The following AMPD1 variants were observed in gnomAD, a reference collection of about 807,000 sequenced individuals.
The protein encoded by AMPD1 is adenosine monophosphate deaminase 1.
In AMPD1, 74 loss-of-function variants were observed where a neutral mutation model predicts 82.9. That is an observed-to-expected ratio of 0.89 (90% confidence interval 0.74 to 1.08). The LOEUF (loss-of-function observed/expected upper bound fraction) is 1.08. Ranked by LOEUF, AMPD1 falls within the 50% of genes least tolerant of loss-of-function variation. The pLI is 0.00. For synonymous variants in AMPD1, 333 were observed against 320.5 expected (o/e 1.04, Z -0.42); for missense variants, 881 against 924.5 (o/e 0.95, Z 0.61).
chr1:114,688,724 G>A lies in AMPD1; in HGVS notation c.52C>T (p.Arg18Cys), dbSNP rs369335745. Residue 18 changes from arginine (R) to cysteine (C), a missense_variant, in exon 3 of 16, where the codon CGC becomes TGC. Physicochemically the swap from Arg to Cys is radical, Grantham distance 180. This residue lies in a region of AMPD1 where 783 missense variants were observed against 786.4 expected (regional missense o/e 1.00). Transcript: ENST00000520113. Reference sequence around the variant, plus strand: ...GCAAACACTTTTTCAGCAAAGTTGCGCATTGCATCATCAATTTCTAAAAGA... The same window carrying A: ...GCAAACACTTTTTCAGCAAAGTTGCACATTGCATCATCAATTTCTAAAAGA... ...AEEKQIDDAM[R>C]NFAEKVFASE... is the part of the protein sequence containing the mutation. 2.7e-5 allele frequency: 44 copies of A among 1,614,170 alleles called. No homozygotes were observed. Among genetic ancestry groups the A allele is most frequent in the Admixed American group, 6.7e-5 (4 of 60,016 alleles).
chr1:114,674,071 T>A lies in AMPD1; in HGVS notation c.1812A>T (p.Leu604=), dbSNP rs1570835952. Reference sequence around the variant, plus strand: ...TTTGGGCTAAGAAAAACAAGTACTGTAGCACGGGACTCTGAAAAAGAAAAG... The same window carrying A: ...TTTGGGCTAAGAAAAACAAGTACTGAAGCACGGGACTCTGAAAAAGAAAAG... ...HGLNLKKSPV[L]QYLFFLAQIP... The change falls in exon 14 of 16, where the codon CTA becomes CTT. Residue 604 remains leucine, a synonymous_variant. Transcript: ENST00000520113. 1 of 1,613,720 alleles carries A rather than the reference T, an allele frequency of 6.2e-7. No individual in the cohort carries two copies. Among genetic ancestry groups the A allele is most frequent in the East Asian group, 2.2e-5 (1 of 44,854 alleles).
In AMPD1 at chr1:114,682,958, G is replaced by GA. The variant is rs1462859454; in HGVS notation, c.547+1240dup. On this transcript the variant is annotated intron_variant, in intron 5 of 15. Coordinates refer to ENST00000520113, the MANE Select transcript of AMPD1 (RefSeq NM_000036.3). The stretch of plus-strand genomic sequence containing the variant: ...TAAAATTGTAAGACAATTACAGGAA[G>GA]ATGTGTATATAAAGATGCTTATTGT... Among the ~76,000 whole-genome samples the GA allele has an allele frequency of 4.6e-5, 7 of 152,324 alleles. No individual in the cohort carries two copies. In the East Asian group the frequency reaches 1.3e-3, roughly 29 times the overall value.
intron 9 of AMPD1, 134 bp downstream of exon 9, chr1:114,677,772 CCCTT>C (rs1171158884): frequency 1.2e-5 from 7 of 563,294 alleles, no homozygotes; most frequent in South Asian, 3.2e-5. Context: ...CTCCCTCCCT[CCCTT>C]CCTTCCTTCT....
intron 4 of AMPD1, among the ~76,000 whole-genome samples, chr1:114,685,139 T>C (rs1287173600): frequency 1.3e-5 from 2 of 152,176 alleles, no homozygotes; most frequent in Non-Finnish European, 2.9e-5. Context: ...GGTCCAGATA[T>C]TGATCCTGAA....
chr1:114,692,037 G>A (rs1329120905), intron 2 of AMPD1, among the ~76,000 whole-genome samples: 1 of 152,160 alleles, frequency 6.6e-6, no homozygotes, highest in Non-Finnish European at 1.5e-5. Flanking sequence ...CATCATAAAG[G>A]GGAATGTTAA....
rs148647876 is a variant in AMPD1 at position 114,678,224 on chromosome 1, G to A, written c.1092+109C>T. The stretch of plus-strand genomic sequence containing the variant: ...ATTGTCTGTGGTGCTTTCAGGCAGC[G>A]TGGTAAGCCAAGATGGTTAAGAGAC... On this transcript the variant is annotated intron_variant, in intron 8 of 15. Transcript: ENST00000520113. 2.0e-4 allele frequency: 301 copies of A among 1,478,438 alleles called. 1 individual carries two copies. The Middle Eastern group carries it at 2.5e-3, about 12-fold the overall frequency. The allele number at this position is 1,478,438 out of a possible 1,614,324, so 91.6% of individuals were successfully genotyped here. A position where few individuals can be genotyped will look rare whatever the true frequency, so the allele number is the denominator to read the frequency against.
In AMPD1 at chr1:114,686,787, A is replaced by T; in HGVS notation, c.339T>A (p.Pro113=). The change falls in exon 4 of 16, where the codon CCT becomes CCA. Residue 113 remains proline, a synonymous_variant. Transcript: ENST00000520113. ...ISSSPTYQTV[P]DFQRVQITGD... ...CAGTAATCTGCACTCTCTGAAAATC[A>T]GGCACGGTCTGGTAGGTTGGAGATG... 6.2e-6 allele frequency: 10 copies of T among 1,614,154 alleles called. No homozygotes were observed. The highest frequency in any genetic ancestry group is 8.5e-6 in the Non-Finnish European group (10 of 1,180,006).
chr1:114,687,041 G>C, intron 3 of AMPD1, 131 bp from the exon 4 acceptor site: 1 of 958,766 alleles, frequency 1.0e-6, no homozygotes, highest in East Asian at 2.6e-5. Context: ...TTGGGTATCA[G>C]AAACAGGATC....
chr1:114,693,656 CTT>C, intron 1 of AMPD1, among the ~76,000 whole-genome samples: 1 of 152,166 alleles, frequency 6.6e-6, no homozygotes, highest in Middle Eastern at 3.4e-3. Flanking sequence ...TAATATGTCT[CTT>C]AACATTTATA....
intron 5 of AMPD1, among the ~76,000 whole-genome samples, chr1:114,682,323 C>A (rs985455371): frequency 1.3e-5 from 2 of 152,090 alleles, no homozygotes; most frequent in African/African-American, 4.8e-5. Flanking sequence ...TTACTACTAT[C>A]AAATATTAAT....
intron 9 of AMPD1, 56 bp downstream of exon 9, chr1:114,677,850 CTTCT>C: frequency 7.2e-7 from 1 of 1,381,508 alleles, no homozygotes; most frequent in Non-Finnish European, 9.7e-7. Context: ...TCCTTCCTTC[CTTCT>C]TCCCTTTCCT....
intron 2 of AMPD1, among the ~76,000 whole-genome samples, chr1:114,690,975 C>A (rs1017811277): frequency 6.6e-6 from 1 of 152,202 alleles, no homozygotes; most frequent in South Asian, 2.1e-4. Context: ...CCAAATCCTA[C>A]TTGCTTGGTA....
At position 114,674,829 on chromosome 1, in the gene AMPD1, C is replaced by T; in HGVS notation, c.1723G>A (p.Glu575Lys). The T allele has an allele frequency of 1.2e-6, 2 of 1,614,002 alleles. No individual in the cohort carries two copies. Among genetic ancestry groups the T allele is most frequent in the Non-Finnish European group, 1.7e-6 (2 of 1,179,894 alleles). Residue 575 changes from glutamate (E) to lysine (K), a missense_variant, in exon 13 of 16, where the codon GAA becomes AAA. Glu to Lys is a moderately conservative substitution (Grantham distance 56). Coordinates refer to ENST00000520113, the MANE Select transcript of AMPD1 (RefSeq NM_000036.3). Reference protein sequence around the residue: ...NTFLFRPHCGEAGALTHLMTA... With the variant: ...NTFLFRPHCGKAGALTHLMTA... ...ATGAGATGGGTGAGGGCTCCAGCTT[C>T]TCCACAGTGAGGTCGGAACAGAAAC...
rs1423417995 is a variant in AMPD1 at position 114,680,464 on chromosome 1, CAGG to C, written c.559_561del (p.Pro187del). 6.2e-7 allele frequency: 1 copy of C among 1,614,024 alleles called. No individual in the cohort carries two copies. Among genetic ancestry groups the C allele is most frequent in the Non-Finnish European group, 8.5e-7 (1 of 1,179,980 alleles). On this transcript the variant is annotated inframe_deletion, in exon 6 of 16. Coordinates refer to ENST00000520113, the MANE Select transcript of AMPD1 (RefSeq NM_000036.3). ...CGGAAGGGGTCCTCTCCCTTCTTCA[CAGG>C]AGGAGTAAAGACTTTTTCAATCAAA...
intron 6 of AMPD1, 42 bp downstream of exon 6, chr1:114,680,217 G>T: frequency 6.6e-7 from 1 of 1,519,816 alleles, no homozygotes; most frequent in Non-Finnish European, 9.1e-7. Flanking sequence ...TTTAGGTCTT[G>T]TAGTACTAGT....
At chr1:114,675,311 A>G (rs1274373512) in intron 12 of AMPD1, among the ~76,000 whole-genome samples, 3 of 152,196 alleles carry the variant, frequency 2.0e-5, no homozygotes, top group Non-Finnish European at 2.9e-5. Context: ...AACTTCCCAA[A>G]AAAAAAGGAA....
Position 114,684,272 on chromosome 1 carries a change from G to A in AMPD1, c.474C>T (p.Phe158=). ...EKYMQKSFQR[F]PKTPSKYLRN... is the part of the protein sequence containing the mutation. ...GCAAGTATTTGGAAGGGGTTTTAGG[G>A]AACCTCTGAAACGACTTCTGCATGT... is the stretch of plus-strand genomic sequence containing the variant. Residue 158 remains phenylalanine (F), a synonymous_variant, in exon 5 of 16, where the codon TTC becomes TTT. Transcript: ENST00000520113. The A allele has an allele frequency of 5.6e-6, 9 of 1,613,906 alleles. No homozygotes were observed. The highest frequency in any genetic ancestry group is 5.9e-6 in the Non-Finnish European group (7 of 1,180,010).
chr1:114,673,870 C>G, intron 14 of AMPD1, 39 bp downstream of exon 14: 1 of 1,608,904 alleles, frequency 6.2e-7, no homozygotes, highest in Non-Finnish European at 8.5e-7. Context: ...AACAACAGTC[C>G]AGCAAAATAT....
At chr1:114,674,992 A>G in intron 12 of AMPD1, 120 bp from the exon 13 acceptor site, 1 of 1,293,578 alleles carries the variant, frequency 7.7e-7, no homozygotes, top group South Asian at 1.2e-5. Context: ...ATTCAGCAAA[A>G]CAGTCCCAAA....
Sources: allele counts gnomAD v4.1 joint callset (sites outside exome capture counted in the v4.1 genomes callset), GRCh38; gene constraint gnomAD v4.1.1; regional missense constraint gnomAD v4.1.1; transcripts MANE v1.5; gene names NCBI Gene and HGNC (gene_info 2026-07-23, HGNC 2026-07-21).